Variants in SCAPER observed in about 807,000 individuals in gnomAD.
The protein encoded by SCAPER is S phase cyclin A-associated protein in the endoplasmic reticulum.
Under a neutral mutation model 182.2 loss-of-function variants are expected in SCAPER, and 98 were observed. The observed-to-expected ratio is 0.54, with a 90% confidence interval of 0.46 to 0.64. The LOEUF (loss-of-function observed/expected upper bound fraction) is 0.64. Ranked by LOEUF, SCAPER falls within the 30% of genes least tolerant of loss-of-function variation. The pLI is 0.00. For missense variants in SCAPER, 1,432 were observed against 1,690.0 expected (o/e 0.85, Z 2.68); for synonymous variants, 605 against 564.6 (o/e 1.07, Z -1.01).
intron 21 of SCAPER, among the ~76,000 whole-genome samples, chr15:76,639,389 T>C (rs1213005212): frequency 5.3e-5 from 8 of 152,216 alleles, no homozygotes; most frequent in Non-Finnish European, 2.9e-5. Context: ...ACTCCTTTTT[T>C]CCTCTTCAGT....
chr15:76,821,015 T>G (rs1445502456), intron 5 of SCAPER, among the ~76,000 whole-genome samples: 1 of 152,160 alleles, frequency 6.6e-6, no homozygotes, highest in Admixed American at 6.5e-5. Context: ...GAACACTCAT[T>G]TATTGCTAGT....
At chr15:76,745,576 G>T (rs563445972) in intron 15 of SCAPER, among the ~76,000 whole-genome samples, 1 of 152,182 alleles carries the variant, frequency 6.6e-6, no homozygotes, top group Non-Finnish European at 1.5e-5. Flanking sequence ...ATAAAAGTTG[G>T]AATTTTAAGA....
chr15:76,843,209 C>T (rs866818212), intron 4 of SCAPER, among the ~76,000 whole-genome samples: 5 of 152,138 alleles, frequency 3.3e-5, no homozygotes, highest in South Asian at 2.1e-4. Flanking sequence ...TAATGTACAA[C>T]GGGCAATAAT....
At chr15:76,466,419 C>CTCTTCTTTTT (rs754649564) in intron 25 of SCAPER, among the ~76,000 whole-genome samples, 2 of 37,420 alleles carry the variant, frequency 5.3e-5, no homozygotes, top group African/African-American at 1.6e-4. Flanking sequence ...GTTGGTTCTT[C>CTCTTCTTTTT]TTTTTTTTTT....
At chr15:76,710,553 C>T (rs1235969638) in intron 17 of SCAPER, among the ~76,000 whole-genome samples, 4 of 151,930 alleles carry the variant, frequency 2.6e-5, no homozygotes, top group African/African-American at 9.7e-5. Context: ...TTAAAGAGTA[C>T]TTAGAAATAA....
At chr15:76,676,911 AAT>A (rs1322957844) in intron 20 of SCAPER, among the ~76,000 whole-genome samples, 8 of 151,114 alleles carry the variant, frequency 5.3e-5, no homozygotes, top group African/African-American at 9.7e-5. Flanking sequence ...AAATATTATA[AAT>A]AATGTTATTA....
intron 21 of SCAPER, among the ~76,000 whole-genome samples, chr15:76,657,960 T>C (rs1434536090): frequency 1.3e-5 from 2 of 152,106 alleles, no homozygotes; most frequent in East Asian, 3.9e-4. Context: ...GCCAATATCA[T>C]ACTGAACAGG....
At chr15:76,651,979 CAATA>C (rs1435177276) in intron 21 of SCAPER, among the ~76,000 whole-genome samples, 2 of 151,758 alleles carry the variant, frequency 1.3e-5, no homozygotes, top group Admixed American at 6.6e-5. Context: ...ATCAGCAACT[CAATA>C]AATGTGATTC....
intron 26 of SCAPER, among the ~76,000 whole-genome samples, chr15:76,414,714 T>C (rs1414640904): frequency 6.6e-6 from 1 of 150,906 alleles, no homozygotes; most frequent in African/African-American, 2.4e-5. Context: ...CTGAAAGACA[T>C]AACAGTCTAA....
chr15:76,800,160 T>TTTTTTTTTTTTTTTTTTTTTTTTTAG, intron 7 of SCAPER, 88 bp downstream of exon 7: 1 of 721,190 alleles, frequency 1.4e-6, no homozygotes, highest in East Asian at 2.7e-5. Context: ...TGGATATTTT[T>TTTTTTTTTTTTTTTTTTTTTTTTTAG]ATAGTAGAAT....
intron 22 of SCAPER, among the ~76,000 whole-genome samples, chr15:76,584,633 G>C (rs537096892): frequency 6.6e-6 from 1 of 152,214 alleles, no homozygotes; most frequent in South Asian, 2.1e-4. Flanking sequence ...TTGGTAAAAT[G>C]TACTATGGAA....
intron 3 of SCAPER, among the ~76,000 whole-genome samples, chr15:76,858,487 CA>C (rs1381385033): frequency 1.3e-5 from 2 of 151,130 alleles, no homozygotes; most frequent in African/African-American, 4.9e-5. Context: ...ATTTTAGGTA[CA>C]GGGGTACATG....
rs569066878 is a variant in SCAPER, at chr15:76,849,782, C to T, written c.196-7851G>A. Among the ~76,000 whole-genome samples the T allele has an allele frequency of 3.9e-5, 6 of 152,298 alleles. No individual in the cohort carries two copies. The East Asian group carries it at 9.7e-4, about 25-fold the overall frequency. On this transcript the variant is annotated intron_variant, in intron 4 of 31. Transcript: ENST00000563290. ...GTTCTCACGCTGCTATGAAGAAATA[C>T]CCGAGACAGGGTGACTTATAAAGGA...
At chr15:76,861,322 C>T (rs1445727565) in intron 3 of SCAPER, among the ~76,000 whole-genome samples, 1 of 152,206 alleles carries the variant, frequency 6.6e-6, no homozygotes, top group Non-Finnish European at 1.5e-5. Context: ...TGGCAGACAA[C>T]ACTTAAAGCA....
At chr15:76,429,769 G>T (rs987137320) in intron 26 of SCAPER, among the ~76,000 whole-genome samples, 10 of 152,150 alleles carry the variant, frequency 6.6e-5, no homozygotes, top group Non-Finnish European at 1.5e-4. Context: ...CGATAGAAAA[G>T]AAAATCCCAT....
rs79977699 is a variant in SCAPER at position 76,660,958 on chromosome 15, G to A, written c.2645+4695C>T. Among the ~76,000 whole-genome samples, 663 of 151,910 alleles carry A rather than the reference G, an allele frequency of 4.4e-3. 5 individuals are homozygous for A. Among genetic ancestry groups the A allele is most frequent in the Non-Finnish European group, 7.0e-3 (473 of 67,920 alleles). ...TAAGTAAAAATGAAAACAAAATAAC[G>A]TTTTAAATGATATTCCATGTGTAAC... is the stretch of plus-strand genomic sequence containing the variant. On this transcript the variant is annotated intron_variant, in intron 21 of 31. Transcript: ENST00000563290.
At chr15:76,472,222 A>T (rs2050240890) in intron 24 of SCAPER, 3 of 532,808 alleles carry the variant, frequency 5.6e-6, no homozygotes, top group Non-Finnish European at 1.1e-5. Flanking sequence ...AACCCTAAAA[A>T]GTCCCCTGCA....
In SCAPER at chr15:76,404,508, C is replaced by A; in HGVS notation, c.3467+16G>T. The A allele has an allele frequency of 6.3e-7, 1 of 1,582,350 alleles. No homozygotes were observed. The highest frequency in any genetic ancestry group is 8.6e-7 in the Non-Finnish European group (1 of 1,158,478). Reference sequence around the variant, plus strand: ...CCAAAAGTTGAGTCTAGATTGAGATCAAGTAGATGCCTTACCTTCCAGTGA... The same window carrying A: ...CCAAAAGTTGAGTCTAGATTGAGATAAAGTAGATGCCTTACCTTCCAGTGA... On this transcript the variant is annotated intron_variant, in intron 27 of 31. Transcript: ENST00000563290.
chr15:76,691,226 A>T (rs2058339845), intron 20 of SCAPER, among the ~76,000 whole-genome samples: 1 of 152,064 alleles, frequency 6.6e-6, no homozygotes, highest in Admixed American at 6.5e-5. Flanking sequence ...CTTTGATATA[A>T]TTGGAAAAAA....
Sources: gnomAD v4.1 joint callset for allele counts (sites outside exome capture counted in the v4.1 genomes callset) on GRCh38, gnomAD v4.1.1 for gene constraint, MANE v1.5 for transcripts, NCBI Gene and HGNC (gene_info 2026-07-23, HGNC 2026-07-21) for gene names.